YEATS4: variants seen among roughly 807,000 people sequenced by gnomAD.
YEATS4 encodes YEATS domain-containing protein 4.
YEATS4 carries 17 observed loss-of-function variants against 30.1 expected under a neutral mutation model. The observed-to-expected ratio is 0.56, with a 90% CI of 0.39 to 0.85. The LOEUF (loss-of-function observed/expected upper bound fraction) is 0.85, where lower values mean the gene tolerates loss of function less well. YEATS4 is among the 40% of genes least tolerant of loss of function. The pLI, the probability that YEATS4 is intolerant of heterozygous loss-of-function variation, is 0.00. For synonymous variants in YEATS4, 85 were observed against 87.5 expected, an observed-to-expected ratio of 0.97 and a Z score of 0.16; for missense variants, 142 against 268.3, an observed-to-expected ratio of 0.53 and a Z score of 3.29.
the YEATS4 span, among the ~76,000 whole-genome samples, chr12:69,406,909 G>A: frequency 6.6e-6 from 1 of 152,092 alleles, no homozygotes; most frequent in South Asian, 2.1e-4. Context: ...CGACTTCCCA[G>A]GCTCAAGTGA....
the YEATS4 span, among the ~76,000 whole-genome samples, chr12:69,411,361 C>T: frequency 6.6e-6 from 1 of 152,146 alleles, no homozygotes; most frequent in East Asian, 1.9e-4. Context: ...AACTCATGGG[C>T]ACAAGCAATC....
At chr12:69,377,062 C>T (rs758891197) in intron 6 of YEATS4, among the ~76,000 whole-genome samples, 5 of 152,022 alleles carry the variant, frequency 3.3e-5, no homozygotes, top group Non-Finnish European at 5.9e-5. Context: ...CTTTTTCATC[C>T]TTTGAGTTTT....
chr12:69,400,577 G>A, the YEATS4 span, among the ~76,000 whole-genome samples: 1 of 151,874 alleles, frequency 6.6e-6, no homozygotes, highest in African/African-American at 2.4e-5. Flanking sequence ...GCCAGGCATG[G>A]TGGCTTACGC....
chr12:69,426,599 G>A, the YEATS4 span, among the ~76,000 whole-genome samples: 1 of 152,166 alleles, frequency 6.6e-6, no homozygotes, highest in African/African-American at 2.4e-5. Flanking sequence ...TCGAACTCCT[G>A]ACCTCAGGTG....
the YEATS4 span, among the ~76,000 whole-genome samples, chr12:69,423,766 G>A: frequency 6.6e-6 from 1 of 152,212 alleles, no homozygotes; most frequent in African/African-American, 2.4e-5. Context: ...GGCCAATTTT[G>A]ATGTGCAATT....
chr12:69,420,374 A>G, the YEATS4 span, among the ~76,000 whole-genome samples: 2 of 150,852 alleles, frequency 1.3e-5, no homozygotes, highest in African/African-American at 2.4e-5. Flanking sequence ...ACTCCATCAC[A>G]GTTAATTAAT....
intron 6 of YEATS4, among the ~76,000 whole-genome samples, chr12:69,374,670 CAT>C (rs1421846766): frequency 1.1e-5 from 1 of 88,456 alleles, no homozygotes; most frequent in African/African-American, 3.9e-5. Context: ...AACCCTTACA[CAT>C]GTTTCAGAGA....
At chr12:69,412,484 A>G in the YEATS4 span, among the ~76,000 whole-genome samples, 1 of 152,102 alleles carries the variant, frequency 6.6e-6, no homozygotes, top group East Asian at 1.9e-4. Context: ...CCCCGTCTCT[A>G]CTAAAAATAC....
At chr12:69,394,617 G>GTGTTTGTTTGTT (rs60206769), downstream of YEATS4, among the ~76,000 whole-genome samples, 798 of 151,434 alleles carry the variant, frequency 5.3e-3, 7 homozygotes, top group African/African-American at 0.015. Context: ...TGGAGATAGT[G>GTGTTTGTTTGTT]TGTTTGTTTG....
the YEATS4 span, among the ~76,000 whole-genome samples, chr12:69,417,245 C>A: frequency 2.8e-5 from 4 of 143,630 alleles, no homozygotes; most frequent in African/African-American, 1.0e-4. Context: ...GCAGCCTCAA[C>A]TTCCTGGGTT....
chr12:69,404,559 G>C, the YEATS4 span, among the ~76,000 whole-genome samples: 1 of 152,098 alleles, frequency 6.6e-6, no homozygotes, highest in Non-Finnish European at 1.5e-5. Context: ...CGAATGGGAG[G>C]ATAGAACAAG....
At chr12:69,400,684 A>G in the YEATS4 span, among the ~76,000 whole-genome samples, 1 of 151,516 alleles carries the variant, frequency 6.6e-6, no homozygotes, top group Non-Finnish European at 1.5e-5. Context: ...CCCCCCGCCC[A>G]ATTTAAAAAG....
rs1462218485 is a variant in YEATS4, at chr12:69,362,782, T to C, written c.52-6T>C. The C allele has an allele frequency of 1.9e-6, 3 of 1,593,772 alleles. No homozygotes were observed. Among genetic ancestry groups the C allele is most frequent in the Non-Finnish European group, 2.6e-6 (3 of 1,168,412 alleles). On this transcript the variant is annotated splice_polypyrimidine_tract_variant and splice_region_variant and intron_variant, in intron 1 of 6. Coordinates refer to ENST00000247843, the MANE Select transcript of YEATS4 (RefSeq NM_006530.4). ...TTCATTTATTTTAAAATTATTTTTC[T>C]TTTAGGGTGTTACTATCGTTAAACC...
At position 69,386,802 on chromosome 12, in the gene YEATS4, C is replaced by T. The variant is rs539263908; in HGVS notation, c.515-3345C>T. Among the ~76,000 whole-genome samples the T allele has an allele frequency of 5.9e-5, 9 of 152,220 alleles. 1 individual carries two copies. The South Asian group carries it at 1.7e-3, about 28-fold the overall frequency. ...CCCCTTTATCTGGAGAGGACACATT[C>T]CAAGAACCCCAGTGGATGCCTAAAA... On this transcript the variant is annotated intron_variant, in intron 6 of 6. Transcript: ENST00000247843.
chr12:69,397,939 A>G, the YEATS4 span, among the ~76,000 whole-genome samples: 1 of 152,188 alleles, frequency 6.6e-6, no homozygotes, highest in African/African-American at 2.4e-5. Flanking sequence ...TAACTAACAT[A>G]TAGACTATAT....
At chr12:69,360,692 T>C (rs985254027) in intron 1 of YEATS4, among the ~76,000 whole-genome samples, 5 of 148,364 alleles carry the variant, frequency 3.4e-5, no homozygotes, top group African/African-American at 1.0e-4. Flanking sequence ...TGAGACGAAG[T>C]GTCTGTCTTG....
downstream of YEATS4, among the ~76,000 whole-genome samples, chr12:69,395,645 A>C (rs1200832458): frequency 6.6e-6 from 1 of 152,216 alleles, no homozygotes; most frequent in Non-Finnish European, 1.5e-5. Flanking sequence ...AAGAGAATAA[A>C]AATAGTTTAA....
the YEATS4 span, among the ~76,000 whole-genome samples, chr12:69,405,551 G>T: frequency 2.6e-5 from 4 of 152,046 alleles, no homozygotes; most frequent in Non-Finnish European, 4.4e-5. Context: ...CTACTCTTGC[G>T]CTTTGGGGCC....
chr12:69,361,064 G>A (rs1875182289), intron 1 of YEATS4, among the ~76,000 whole-genome samples: 1 of 151,780 alleles, frequency 6.6e-6, no homozygotes, highest in Non-Finnish European at 1.5e-5. Flanking sequence ...CGGGCGTGGT[G>A]GCGGGCACCT....
Sources: gnomAD v4.1 joint callset for allele counts (sites outside exome capture counted in the v4.1 genomes callset) on GRCh38, gnomAD v4.1.1 for gene constraint, MANE v1.5 for transcripts, NCBI Gene and HGNC (gene_info 2026-07-23, HGNC 2026-07-21) for gene names.